PAGE4: variants seen among roughly 807,000 people sequenced by gnomAD.
PAGE4 encodes PAGE family member 4, also known as P antigen family member 4.
A neutral mutation model predicts 8.5 loss-of-function variants in PAGE4; 1 was observed. The observed-to-expected ratio is 0.12, with a 90% CI of 0.04 to 0.56. The LOEUF (loss-of-function observed/expected upper bound fraction) is 0.56. Among genes scored for constraint, PAGE4 ranks in the 20% least tolerant of loss-of-function variants. The probability of loss-of-function intolerance (pLI) is 0.91; values close to 1 mark genes in which losing one functional copy is unlikely to be tolerated. For missense variants in PAGE4, 93 were observed against 82.7 expected (o/e 1.13, Z -0.49); for synonymous variants, 26 against 26.3 (o/e 0.99, Z 0.04).
Position 49,830,475 on chromosome X carries a change from A to G in PAGE4, c.47A>G (p.Gln16Arg), listed in dbSNP as rs146339676. 12 of 1,201,679 alleles carry G rather than the reference A, an allele frequency of 1.0e-5. No individual in the cohort carries two copies. In the African/African-American group the frequency reaches 1.8e-4, roughly 18 times the overall value. The change falls in exon 2 of 5, where the codon CAG becomes CGG. Residue 16 changes from glutamine to arginine, a missense_variant. By Grantham distance (43) the Gln-to-Arg change is conservative. Coordinates refer to ENST00000218068, the MANE Select transcript of PAGE4 (RefSeq NM_007003.4). ...AGATCCAGAGGAAGAGGAGATGGTC[A>G]GGAGGCTCCCGATGTGGTTGCATTC... ...RSRSRGRGDG[Q>R]EAPDVVAFVA...
At position 49,831,747 on chromosome X, in the gene PAGE4, C is replaced by T. The variant is rs782065147; in HGVS notation, c.166+663C>T. Among the ~76,000 whole-genome samples, 21 of 111,830 alleles carry T rather than the reference C, an allele frequency of 1.9e-4. No individual in the cohort carries two copies. In the South Asian group the frequency reaches 7.1e-3, roughly 38 times the overall value. On this transcript the variant is annotated intron_variant, in intron 3 of 4. Coordinates refer to ENST00000218068, the MANE Select transcript of PAGE4 (RefSeq NM_007003.4). ...TTTTTACCATATTAATATATTATTG[C>T]TGAACCACTTGAGAGTTTCAAATAT...
rs964964662 is a variant in PAGE4, at chrX:49,831,280, A to G, written c.166+196A>G. ...CATTTTACTTATCTTATATCTTAAG[A>G]GTTCTTTGGCATACTTGGAAAATAC... On this transcript the variant is annotated intron_variant, in intron 3 of 4. Coordinates refer to ENST00000218068, the MANE Select transcript of PAGE4 (RefSeq NM_007003.4). The G allele has an allele frequency of 1.5e-5, 6 of 389,456 alleles. No individual in the cohort carries two copies. In the African/African-American group the frequency reaches 1.6e-4, roughly 10 times the overall value. 32.1% of individuals were successfully genotyped at this position (389,456 alleles called of 1,213,427 possible). A position where few individuals can be genotyped will look rare whatever the true frequency, so the allele number is the denominator to read the frequency against.
chrX:49,831,137 T>A, intron 3 of PAGE4, 53 bp downstream of exon 3: 1 of 797,370 alleles, frequency 1.3e-6, no homozygotes, highest in Non-Finnish European at 1.8e-6. Context: ...TTTATACTAG[T>A]AACAGGAATA....
intron 4 of PAGE4, 83 bp from the exon 5 acceptor site, chrX:49,833,763 A>G: frequency 1.4e-6 from 1 of 696,673 alleles, no homozygotes; most frequent in East Asian, 3.3e-5. Flanking sequence ...AGAAACCAAA[A>G]CTAGTGTTCT....
chrX:49,829,293 G>T (rs782186047), upstream of PAGE4: 3 of 112,205 alleles, frequency 2.7e-5, no homozygotes, highest in South Asian at 1.1e-3. Flanking sequence ...GGAGGCAGAA[G>T]TAGGTAGGTG....
chrX:49,831,160 C>T, intron 3 of PAGE4, 76 bp downstream of exon 3: 1 of 700,392 alleles, frequency 1.4e-6, no homozygotes. Flanking sequence ...TAAACCATCC[C>T]CTAAAAATTG....
intron 2 of PAGE4, 64 bp downstream of exon 2, chrX:49,830,570 A>G: frequency 1.3e-6 from 1 of 783,569 alleles, no homozygotes; most frequent in Non-Finnish European, 1.9e-6. Flanking sequence ...GAAAATCTAA[A>G]ACATTGTTAA....
chrX:49,830,562 A>T, intron 2 of PAGE4, 56 bp downstream of exon 2: 1 of 868,836 alleles, frequency 1.2e-6, no homozygotes, highest in Non-Finnish European at 1.7e-6. Flanking sequence ...TTCTGAAAGA[A>T]AATCTAAAAC....
Position 49,831,287 on chromosome X carries a change from T to C in PAGE4, c.166+203T>C, listed in dbSNP as rs371056633. ...CTTATCTTATATCTTAAGAGTTCTT[T>C]GGCATACTTGGAAAATACAATCCTT... On this transcript the variant is annotated intron_variant, in intron 3 of 4. Coordinates refer to ENST00000218068, the MANE Select transcript of PAGE4 (RefSeq NM_007003.4). 9 of 381,614 alleles carry C rather than the reference T, an allele frequency of 2.4e-5. No individual in the cohort carries two copies. The East Asian group carries it at 3.3e-4, about 14-fold the overall frequency. 31.4% of individuals were successfully genotyped at this position (381,614 alleles called of 1,213,427 possible).
chrX:49,834,244 C>T lies in PAGE4; in HGVS notation c.*382C>T, dbSNP rs1923559118. Among the ~76,000 whole-genome samples, 1 of 111,235 alleles carries T rather than the reference C, an allele frequency of 9.0e-6. No homozygotes were observed. The highest frequency in any genetic ancestry group is 9.6e-5 in the Admixed American group (1 of 10,432). On this transcript the variant is annotated 3_prime_UTR_variant, in exon 5 of 5. Transcript: ENST00000218068. ...TCATTTCTGGTCCTTATGACACTGG[C>T]CAGACCCCTCCAGTACAATGTTGAT... is the stretch of plus-strand genomic sequence containing the variant.
rs189178553 is a variant in PAGE4 at position 49,832,890 on chromosome X, C to T, written c.292+240C>T. Among the ~76,000 whole-genome samples, 4 of 111,659 alleles carry T rather than the reference C, an allele frequency of 3.6e-5. No homozygotes were observed. In the Admixed American group the frequency reaches 3.8e-4, roughly 11 times the overall value. ...AAAACTCAAGGCAAGTGATCAAATA[C>T]TTTTAAAAGTATATACATTACTTAA... On this transcript the variant is annotated intron_variant, in intron 4 of 4. Transcript: ENST00000218068.
At chrX:49,830,591 T>A (rs994578732) in intron 2 of PAGE4, 85 bp downstream of exon 2, 2 of 654,861 alleles carry the variant, frequency 3.1e-6, no homozygotes, top group Non-Finnish European at 4.7e-6. Context: ...CCAATATAGA[T>A]CTGTTATATA....
chrX:49,833,648 C>T (rs1243281497), intron 4 of PAGE4, among the ~76,000 whole-genome samples, 198 bp from the exon 5 acceptor site: 1 of 111,931 alleles, frequency 8.9e-6, no homozygotes, highest in African/African-American at 3.2e-5. Flanking sequence ...TTTCCTTGTA[C>T]CACTAGAGTG....
chrX:49,832,407 A>G lies in PAGE4; in HGVS notation c.167-118A>G, dbSNP rs887913442. 3 of 445,146 alleles carry G rather than the reference A, an allele frequency of 6.7e-6. No individual in the cohort carries two copies. In the African/African-American group the frequency reaches 7.6e-5, roughly 11 times the overall value. The allele number at this position is 445,146 out of a possible 1,213,427, so 36.7% of individuals were successfully genotyped here. On this transcript the variant is annotated intron_variant, in intron 3 of 4. Transcript: ENST00000218068. Reference sequence around the variant, plus strand: ...CCCCATTTTCTAGTAGAAAATTCCAATGCCCATTGCACTCATGCATCACAT... The same window carrying G: ...CCCCATTTTCTAGTAGAAAATTCCAGTGCCCATTGCACTCATGCATCACAT...
chrX:49,832,065 C>T (rs1923493858), intron 3 of PAGE4, among the ~76,000 whole-genome samples: 1 of 111,824 alleles, frequency 8.9e-6, no homozygotes, highest in Non-Finnish European at 1.9e-5. Context: ...ACATTGACAA[C>T]TAGAATCCAA....
rs1284049239 is a variant in PAGE4 at position 49,834,091 on chromosome X, T to C, written c.*229T>C. 2.8e-6 allele frequency: 1 copy of C among 362,047 alleles called. No homozygotes were observed. The highest frequency in any genetic ancestry group is 4.8e-6 in the Non-Finnish European group (1 of 206,648). 29.8% of individuals were successfully genotyped at this position (362,047 alleles called of 1,213,427 possible). Reference sequence around the variant, plus strand: ...ATATTTTTGTATACTGATTTTGTGTTGGGCAACATTGCTAAACTTGCCTAT... The same window carrying C: ...ATATTTTTGTATACTGATTTTGTGTCGGGCAACATTGCTAAACTTGCCTAT... On this transcript the variant is annotated 3_prime_UTR_variant, in exon 5 of 5. Coordinates refer to ENST00000218068, the MANE Select transcript of PAGE4 (RefSeq NM_007003.4).
intron 4 of PAGE4, among the ~76,000 whole-genome samples, chrX:49,833,129 T>G (rs1344120160): frequency 8.9e-6 from 1 of 112,130 alleles, no homozygotes; most frequent in Admixed American, 9.5e-5. Flanking sequence ...TAATGTCATC[T>G]ATATGGTAGT....
chrX:49,830,362 G>A lies in PAGE4; in HGVS notation c.-30-37G>A, dbSNP rs1302991835. 7 of 724,381 alleles carry A rather than the reference G, an allele frequency of 9.7e-6. No homozygotes were observed. The East Asian group carries it at 2.1e-4, about 22-fold the overall frequency. 59.7% of individuals were successfully genotyped at this position (724,381 alleles called of 1,213,427 possible). On this transcript the variant is annotated intron_variant, in intron 1 of 4. Transcript: ENST00000218068. ...AAAATTACAATCAGCAGATGGCCATGGAAAGAGTCAAGTATAATTACTCCT... is the reference window on the plus strand; with the variant it reads ...AAAATTACAATCAGCAGATGGCCATAGAAAGAGTCAAGTATAATTACTCCT...
chrX:49,830,868 A>T, intron 2 of PAGE4, 129 bp from the exon 3 acceptor site: 1 of 490,510 alleles, frequency 2.0e-6, no homozygotes, highest in Non-Finnish European at 3.5e-6. Context: ...TACAGAGAAG[A>T]TAGGAAAAAC....
Sources: allele counts gnomAD v4.1 joint callset (sites outside exome capture counted in the v4.1 genomes callset), GRCh38; gene constraint gnomAD v4.1.1; transcripts MANE v1.5; gene names NCBI Gene and HGNC (gene_info 2026-07-23, HGNC 2026-07-21).